Variants in KLC4 observed in about 807,000 individuals in gnomAD.
The protein encoded by KLC4 is kinesin-like protein 8.
Under a neutral mutation model 77.2 loss-of-function variants are expected in KLC4, and 49 were observed. The observed-to-expected ratio is 0.63, with a 90% CI of 0.50 to 0.80. The LOEUF is 0.80. KLC4 is among the 30% of genes least tolerant of loss of function. KLC4 has a pLI of 0.00. For missense variants in KLC4, 669 were observed against 793.5 expected, an observed-to-expected ratio of 0.84 and a Z score of 1.89; for synonymous variants, 274 against 314.5, an observed-to-expected ratio of 0.87 and a Z score of 1.36.
intron 7 of KLC4, 93 bp downstream of exon 7, chr6:43,070,548 C>A: frequency 7.4e-7 from 1 of 1,349,048 alleles, no homozygotes; most frequent in Non-Finnish European, 1.0e-6. Context: ...CTTTTTTTTT[C>A]TCACCCCCAT....
chr6:43,066,318 A>G lies in KLC4; in HGVS notation c.584A>G (p.Gln195Arg). 6.2e-7 allele frequency: 1 copy of G among 1,614,066 alleles called. No individual in the cohort carries two copies. The highest frequency in any genetic ancestry group is 8.5e-7 in the Non-Finnish European group (1 of 1,179,938). ...TGTGATGGTTTAGTGTCCCGTGGTC[A>G]AGGTGCTACAGCAGCTCAGCAGGGT... ...EDPSNGLSRG[Q>R]GATAAQQGGY... The change falls in exon 5 of 16, where the codon CAA (glutamine) becomes CGA (arginine). Residue 195 changes from glutamine to arginine, a missense_variant. Coordinates refer to ENST00000347162, the MANE Select transcript of KLC4 (RefSeq NM_201521.3).
chr6:43,073,211 C>A lies in KLC4; in HGVS notation c.1630-12C>A. Reference sequence around the variant, plus strand: ...ATCCTTGTAGCTTTCATTGCTCACTCCTTTCTGCCAGGATGGCAGTGGGAC... The same window carrying A: ...ATCCTTGTAGCTTTCATTGCTCACTACTTTCTGCCAGGATGGCAGTGGGAC... On this transcript the variant is annotated splice_polypyrimidine_tract_variant and intron_variant, in intron 13 of 15. Transcript: ENST00000347162. 1 of 1,607,258 alleles carries A rather than the reference C, an allele frequency of 6.2e-7. No individual in the cohort carries two copies. The highest frequency in any genetic ancestry group is 8.5e-7 in the Non-Finnish European group (1 of 1,173,908).
intron 3 of KLC4, among the ~76,000 whole-genome samples, chr6:43,064,168 T>C (rs181634476): frequency 1.2e-3 from 176 of 152,306 alleles, no homozygotes; most frequent in African/African-American, 3.7e-3. Context: ...GATGTATCTG[T>C]AGGGAACAAG....
chr6:43,066,933 G>A (rs1765462080), intron 5 of KLC4, 63 bp from the exon 6 acceptor site: 1 of 1,571,444 alleles, frequency 6.4e-7, no homozygotes. Context: ...CTTCCAAAGG[G>A]AAGGAGGGAA....
chr6:43,071,749 C>A, intron 10 of KLC4, 103 bp from the exon 11 acceptor site: 1 of 1,458,358 alleles, frequency 6.9e-7, no homozygotes, highest in Non-Finnish European at 9.5e-7. Context: ...TCCTCCCCAG[C>A]CCAGCCTGCA....
At chr6:43,061,673 G>A in intron 2 of KLC4, 80 bp downstream of exon 2, 3 of 1,383,786 alleles carry the variant, frequency 2.2e-6, no homozygotes, top group African/African-American at 2.9e-5. Context: ...GGGCTGCTTG[G>A]GATCACCTCA....
intron 4 of KLC4, 37 bp downstream of exon 4, chr6:43,065,738 C>T (rs1464308079): frequency 6.8e-7 from 1 of 1,466,480 alleles, no homozygotes. Flanking sequence ...TGAAAAGGGG[C>T]AGCAGGAGGC....
rs1765670212 is a variant in KLC4, at chr6:43,070,625, AAC to A, written c.982-62_982-61del. The A allele has an allele frequency of 9.2e-6, 14 of 1,527,518 alleles. No individual in the cohort carries two copies. In the Middle Eastern group the frequency reaches 5.2e-4, roughly 56 times the overall value. 94.6% of individuals were successfully genotyped at this position (1,527,518 alleles called of 1,614,324 possible). ...TTCCACATGTGTGTGCCTACATGCA[AAC>A]ACACGTGTGCTTGTGCACACACATG... On this transcript the variant is annotated intron_variant, in intron 7 of 15. Coordinates refer to ENST00000347162, the MANE Select transcript of KLC4 (RefSeq NM_201521.3).
chr6:43,061,507 G>C lies in KLC4; in HGVS notation c.172G>C (p.Gly58Arg). The C allele has an allele frequency of 6.2e-7, 1 of 1,614,180 alleles. No homozygotes were observed. Among genetic ancestry groups the C allele is most frequent in the African/African-American group, 1.3e-5 (1 of 75,058 alleles). The change falls in exon 2 of 16, where the codon GGC (glycine) becomes CGC (arginine). Residue 58 changes from glycine (G) to arginine (R), a missense_variant. Transcript: ENST00000347162. ...GACCATTGAGTGTCTGCAGCAGGGA[G>C]GCCATGAGGAAGGGCTGGTGCATGA... ...SQTIECLQQG[G>R]HEEGLVHEKA...
chr6:43,064,957 C>T (rs1765339794), intron 3 of KLC4, among the ~76,000 whole-genome samples: 2 of 152,294 alleles, frequency 1.3e-5, no homozygotes, highest in East Asian at 1.9e-4. Context: ...ACACTCCCTT[C>T]CCTCAGGAGA....
Position 43,070,775 on chromosome 6 carries a change from C to G in KLC4, c.1065C>G (p.Ala355=). ...GCCAAAACCAGGGCAAGTATGAGGC[C>G]GTGGAACGCTACTACCAGCGAGCAC... ...LLCQNQGKYE[A]VERYYQRALA... The change falls in exon 8 of 16, where the codon GCC becomes GCG. Residue 355 remains alanine (A), a synonymous_variant. Coordinates refer to ENST00000347162, the MANE Select transcript of KLC4 (RefSeq NM_201521.3). The G allele has an allele frequency of 6.2e-6, 10 of 1,614,128 alleles. No individual in the cohort carries two copies. Among genetic ancestry groups the G allele is most frequent in the Non-Finnish European group, 8.5e-6 (10 of 1,180,014 alleles).
At chr6:43,063,491 A>C (rs1765266010) in intron 3 of KLC4, among the ~76,000 whole-genome samples, 1 of 152,206 alleles carries the variant, frequency 6.6e-6, no homozygotes, top group South Asian at 2.1e-4. Flanking sequence ...TACGTGGTAC[A>C]ATTAGGGAAA....
At chr6:43,074,491 T>C in intron 15 of KLC4, 131 bp from the exon 16 acceptor site, 1 of 812,762 alleles carries the variant, frequency 1.2e-6, no homozygotes, top group Non-Finnish European at 2.1e-6. Context: ...GGTCCAGAGA[T>C]AGACTGGTCC....
In KLC4 at chr6:43,070,711, C is replaced by T; in HGVS notation, c.1001C>T (p.Pro334Leu). 1 of 1,613,510 alleles carries T rather than the reference C, an allele frequency of 6.2e-7. No individual in the cohort carries two copies. The highest frequency in any genetic ancestry group is 8.5e-7 in the Non-Finnish European group (1 of 1,179,502). Residue 334 changes from proline to leucine, a missense_variant, in exon 8 of 16, where the codon CCA becomes CTA. Physicochemically the swap from Pro to Leu is moderately conservative, Grantham distance 98 (BLOSUM62 -3). Transcript: ENST00000347162. Reference protein sequence around the residue: ...IREKVLGTNHPDVAKQLNNLA... With the variant: ...IREKVLGTNHLDVAKQLNNLA... ...TTTCAGGTCCTGGGCACGAATCATC[C>T]AGATGTGGCAAAACAGCTGAACAAC...
intron 2 of KLC4, 151 bp downstream of exon 2, chr6:43,061,744 C>T: frequency 1.3e-6 from 1 of 798,938 alleles, no homozygotes; most frequent in Non-Finnish European, 1.9e-6. Flanking sequence ...TGCCAGAATG[C>T]TTTTGGGCAC....
intron 5 of KLC4, 65 bp from the exon 6 acceptor site, chr6:43,066,931 G>C: frequency 6.4e-7 from 1 of 1,569,406 alleles, no homozygotes; most frequent in South Asian, 1.2e-5. Context: ...TCCTTCCAAA[G>C]GGAAGGAGGG....
intron 1 of KLC4, 67 bp downstream of exon 1, chr6:43,059,752 C>T (rs996804901): frequency 1.6e-6 from 2 of 1,214,434 alleles, no homozygotes; most frequent in Non-Finnish European, 2.1e-6. Flanking sequence ...CTCGCACTAC[C>T]AGAAAGATGA....
chr6:43,068,645 TA>T (rs919851193), intron 6 of KLC4, among the ~76,000 whole-genome samples: 16 of 147,986 alleles, frequency 1.1e-4, no homozygotes, highest in African/African-American at 1.5e-4. Context: ...CCGTCTCTAC[TA>T]AAAAAAAAAT....
intron 6 of KLC4, among the ~76,000 whole-genome samples, chr6:43,068,257 A>T (rs1010113661): frequency 1.0e-4 from 15 of 149,214 alleles, no homozygotes; most frequent in African/African-American, 3.7e-4. Context: ...GCAAATCACG[A>T]GGTCAGGAGT....
Sources: allele counts gnomAD v4.1 joint callset (sites outside exome capture counted in the v4.1 genomes callset), GRCh38; gene constraint gnomAD v4.1.1; transcripts MANE v1.5; gene names NCBI Gene and HGNC (gene_info 2026-07-23, HGNC 2026-07-21).